The following BTNL9 variants were observed in gnomAD, a reference collection of about 807,000 sequenced individuals.
BTNL9 encodes the protein butyrophilin like 9.
BTNL9 carries 45 observed loss-of-function variants against 45.8 expected under a neutral mutation model. The ratio of observed to expected loss-of-function variants is 0.98; its 90% CI spans 0.77 to 1.26. BTNL9 has a LOEUF of 1.26. Among genes scored for constraint, BTNL9 ranks in the 50% most tolerant of loss-of-function variants. BTNL9 has a pLI of 0.00. For synonymous variants in BTNL9, 346 were observed against 330.8 expected, an observed-to-expected ratio of 1.05 and a Z score of -0.50; for missense variants, 784 against 729.7, an observed-to-expected ratio of 1.07 and a Z score of -0.86.
Position 181,060,803 on chromosome 5 carries a change from A to T in BTNL9, c.*941A>T, listed in dbSNP as rs1287402533. On this transcript the variant is annotated 3_prime_UTR_variant, in exon 11 of 11. Transcript: ENST00000327705. ...AACATCATCAATGATGGGACCAAGG[A>T]CATTATTAGTTTGACAACTGGGGAA... 1 of 152,178 alleles carries T rather than the reference A, an allele frequency of 6.6e-6. No individual in the cohort carries two copies. Among genetic ancestry groups the T allele is most frequent in the African/African-American group, 2.4e-5 (1 of 41,428 alleles). The allele number at this position is 152,178 out of a possible 1,614,324, so 9.4% of individuals were successfully genotyped here. A position where few individuals can be genotyped will look rare whatever the true frequency, so the allele number is the denominator to read the frequency against.
rs1465373642 is a variant in BTNL9, at chr5:181,050,695, T to G, written c.736+326T>G. Among the ~76,000 whole-genome samples the G allele has an allele frequency of 1.3e-5, 2 of 152,092 alleles. No homozygotes were observed. Among genetic ancestry groups the G allele is most frequent in the Non-Finnish European group, 2.9e-5 (2 of 68,018 alleles). ...TGTCTCTCAAACAGTATGTATTGAG[T>G]TTCCACAACGTGACCCCAGTCCCTA... On this transcript the variant is annotated intron_variant, in intron 4 of 10. Coordinates refer to ENST00000327705, the MANE Select transcript of BTNL9 (RefSeq NM_152547.5). The surrounding 1 kb of genome is among the most constrained non-coding windows in gnomAD (Gnocchi z 4.9).
At position 181,051,011 on chromosome 5, in the gene BTNL9, G is replaced by A. The variant is rs187893586; in HGVS notation, c.736+642G>A. 1.6e-3 allele frequency among the ~76,000 whole-genome samples: 220 copies of A among 135,818 alleles called. No individual in the cohort carries two copies. In the East Asian group the frequency reaches 0.04, roughly 25 times the overall value. 89.1% of individuals were successfully genotyped at this position (135,818 alleles called of 152,430 possible). On this transcript the variant is annotated intron_variant, in intron 4 of 10. Coordinates refer to ENST00000327705, the MANE Select transcript of BTNL9 (RefSeq NM_152547.5). ...CTGAGGCAGGAGAATCGCTTGAACC[G>A]GGGGGCAGAGGTTGCAGTGAGCCGA... is the stretch of plus-strand genomic sequence containing the variant.
Position 181,053,092 on chromosome 5 carries a change from C to G in BTNL9, c.737-108C>G. 2 of 962,668 alleles carry G rather than the reference C, an allele frequency of 2.1e-6. No homozygotes were observed. The highest frequency in any genetic ancestry group is 3.0e-6 in the Non-Finnish European group (2 of 677,734). 59.6% of individuals were successfully genotyped at this position (962,668 alleles called of 1,614,324 possible). Reference sequence around the variant, plus strand: ...TTTCCCAGGCGGCTGCGGTGGCGCCCGGAGAAGGTCCCGCGGGAGGTTTCC... The same window carrying G: ...TTTCCCAGGCGGCTGCGGTGGCGCCGGGAGAAGGTCCCGCGGGAGGTTTCC... On this transcript the variant is annotated intron_variant, in intron 4 of 10. Transcript: ENST00000327705. The surrounding 1 kb of genome is among the most constrained non-coding windows in gnomAD (Gnocchi z 6.5).
chr5:181,051,588 G>A (rs901465271), intron 4 of BTNL9, among the ~76,000 whole-genome samples: 1 of 152,148 alleles, frequency 6.6e-6, no homozygotes, highest in Non-Finnish European at 1.5e-5. Context: ...ACAACTTGGA[G>A]CCACGCAGCT....
At chr5:181,047,437 C>T in intron 2 of BTNL9, 1 of 959,836 alleles carries the variant, frequency 1.0e-6, no homozygotes, top group Non-Finnish European at 1.2e-6. Flanking sequence ...CTTGGAAAAT[C>T]AGACAAGCAA....
rs755306047 is a variant in BTNL9, at chr5:181,045,599, G to A, written c.109+1G>A. ...CTTCAGCCTGGGGAGCCGAGCTCAG[G>A]TATTGTGTCTGCAGCCTAGCTGGCC... On this transcript the variant is annotated splice_donor_variant, in intron 2 of 10. Coordinates refer to ENST00000327705, the MANE Select transcript of BTNL9 (RefSeq NM_152547.5). LOFTEE classifies it high-confidence loss of function. 43 of 1,607,806 alleles carry A rather than the reference G, an allele frequency of 2.7e-5. No individual in the cohort carries two copies. The highest frequency in any genetic ancestry group is 3.3e-5 in the Non-Finnish European group (39 of 1,175,488).
rs987892921 is a variant in BTNL9, at chr5:181,049,941, C to T, written c.455-147C>T. ...TAGACTGTCATTTCCCGTCCATGGGCGGGGAGCGCCAAGCCCACACACGTC... is the reference window on the plus strand; with the variant it reads ...TAGACTGTCATTTCCCGTCCATGGGTGGGGAGCGCCAAGCCCACACACGTC... On this transcript the variant is annotated intron_variant, in intron 3 of 10. Transcript: ENST00000327705. The T allele has an allele frequency of 4.0e-5, 40 of 994,064 alleles. No homozygotes were observed. The Admixed American group carries it at 5.5e-4, about 14-fold the overall frequency. The allele number at this position is 994,064 out of a possible 1,614,324, so 61.6% of individuals were successfully genotyped here. A position where few individuals can be genotyped will look rare whatever the true frequency, so the allele number is the denominator to read the frequency against.
At position 181,059,651 on chromosome 5, in the gene BTNL9, C is replaced by T. The variant is rs774144406; in HGVS notation, c.1397C>T (p.Ser466Phe). ...EAGELSFFNV[S>F]DGSHIFTFHD... Reference sequence around the variant, plus strand: ...GGAGAGCTGTCCTTCTTCAACGTGTCCGACGGCTCCCACATCTTCACCTTC... The same window carrying T: ...GGAGAGCTGTCCTTCTTCAACGTGTTCGACGGCTCCCACATCTTCACCTTC... The change falls in exon 11 of 11, where the codon TCC becomes TTC. Residue 466 changes from serine (S) to phenylalanine (F), a missense_variant. Ser to Phe is a radical substitution (Grantham distance 155). Coordinates refer to ENST00000327705, the MANE Select transcript of BTNL9 (RefSeq NM_152547.5). The T allele has an allele frequency of 2.5e-6, 4 of 1,613,674 alleles. No homozygotes were observed. In the South Asian group the frequency reaches 3.3e-5, roughly 13 times the overall value.
At position 181,047,953 on chromosome 5, in the gene BTNL9, C is replaced by T. The variant is rs910598555; in HGVS notation, c.136C>T (p.Pro46Ser). The change falls in exon 3 of 11, where the codon CCC becomes TCC. Residue 46 changes from proline to serine, a missense_variant. Physicochemically the swap from Pro to Ser is moderately conservative, Grantham distance 74. Transcript: ENST00000327705. ...GGTCAAGGTGCTAGGCCCTGAGTAT[C>T]CCATCCTGGCCCTCGTCGGGGAGGA... ...SEVKVLGPEY[P>S]ILALVGEEVE... 2 of 1,613,828 alleles carry T rather than the reference C, an allele frequency of 1.2e-6. No individual in the cohort carries two copies. Among genetic ancestry groups the T allele is most frequent in the South Asian group, 1.1e-5 (1 of 91,058 alleles).
rs1330545336 is a variant in BTNL9 at position 181,053,868 on chromosome 5, A to G, written c.886+367A>G. 6 of 1,501,210 alleles carry G rather than the reference A, an allele frequency of 4.0e-6. No homozygotes were observed. Among genetic ancestry groups the G allele is most frequent in the Admixed American group, 4.0e-5 (2 of 49,854 alleles). The allele number at this position is 1,501,210 out of a possible 1,614,324, so 93.0% of individuals were successfully genotyped here. On this transcript the variant is annotated intron_variant, in intron 6 of 10. Coordinates refer to ENST00000327705, the MANE Select transcript of BTNL9 (RefSeq NM_152547.5). The surrounding 1 kb of genome is among the most constrained non-coding windows in gnomAD (Gnocchi z 6.5). ...GCACAGGGAGTCGGGCGGATGCGCA[A>G]CATCTCCGCACAGGGTCAGGAAGCG... is the stretch of plus-strand genomic sequence containing the variant.
intron 2 of BTNL9, among the ~76,000 whole-genome samples, chr5:181,046,416 C>T (rs976767092): frequency 1.3e-5 from 2 of 152,206 alleles, no homozygotes; most frequent in African/African-American, 4.8e-5. Flanking sequence ...CCAGGAAACT[C>T]ACTGGCCTGT....
At position 181,059,736 on chromosome 5, in the gene BTNL9, C is replaced by A; in HGVS notation, c.1482C>A (p.Gly494=). 1 of 1,613,028 alleles carries A rather than the reference C, an allele frequency of 6.2e-7. No individual in the cohort carries two copies. The highest frequency in any genetic ancestry group is 1.1e-5 in the South Asian group (1 of 91,068). The part of the protein sequence containing the change: ...AYFRPRAHDG[G]EHPDPLTICP... ...TCAGGCCCAGGGCCCACGACGGCGG[C>A]GAACATCCGGATCCCCTGACCATCT... Residue 494 remains glycine (G), a synonymous_variant, in exon 11 of 11, where the codon GGC becomes GGA. Transcript: ENST00000327705.
chr5:181,045,659 C>G, intron 2 of BTNL9, 61 bp downstream of exon 2: 3 of 1,316,668 alleles, frequency 2.3e-6, no homozygotes, highest in Non-Finnish European at 3.3e-6. Flanking sequence ...CCAGGTGCTC[C>G]CCAGGGCTAC....
intron 2 of BTNL9, among the ~76,000 whole-genome samples, chr5:181,046,909 G>A (rs924422245): frequency 5.3e-5 from 8 of 152,178 alleles, no homozygotes; most frequent in South Asian, 2.1e-4. Context: ...GTCAGACATC[G>A]GTGTGTGGAG....
intron 4 of BTNL9, among the ~76,000 whole-genome samples, chr5:181,052,347 A>G (rs1332596195): frequency 6.6e-6 from 1 of 152,174 alleles, no homozygotes; most frequent in Non-Finnish European, 1.5e-5. Flanking sequence ...CTGTTTAATA[A>G]GTACAGAGTT....
intron 1 of BTNL9, among the ~76,000 whole-genome samples, chr5:181,044,264 A>C (rs1008775761): frequency 1.3e-5 from 2 of 152,022 alleles, no homozygotes; most frequent in Admixed American, 6.5e-5. Flanking sequence ...ACACCTGCTG[A>C]TGGTGTTGCT....
At chr5:181,046,727 G>A (rs1417644582) in intron 2 of BTNL9, among the ~76,000 whole-genome samples, 3 of 152,110 alleles carry the variant, frequency 2.0e-5, no homozygotes, top group African/African-American at 4.8e-5. Context: ...GAGAGAGAGA[G>A]AATTGTGTCC....
intron 9 of BTNL9, 85 bp from the exon 10 acceptor site, chr5:181,058,267 C>T (rs796697987): frequency 6.7e-7 from 1 of 1,493,396 alleles, no homozygotes; most frequent in Non-Finnish European, 9.3e-7. Flanking sequence ...GCATGCATCC[C>T]TCATACATCT....
chr5:181,053,117 C>A lies in BTNL9; in HGVS notation c.737-83C>A. The A allele has an allele frequency of 8.0e-7, 1 of 1,243,276 alleles. No individual in the cohort carries two copies. The highest frequency in any genetic ancestry group is 1.4e-5 in the South Asian group (1 of 72,726). 77.0% of individuals were successfully genotyped at this position (1,243,276 alleles called of 1,614,324 possible). On this transcript the variant is annotated intron_variant, in intron 4 of 10. Coordinates refer to ENST00000327705, the MANE Select transcript of BTNL9 (RefSeq NM_152547.5). This position sits in a 1 kb window ranked among gnomAD's most constrained non-coding sequence, Gnocchi z 6.5. ...CGGAGAAGGTCCCGCGGGAGGTTTC[C>A]CGGCACGCGGCGGGCAGGCCGGTCT...
Sources: allele counts gnomAD v4.1 joint callset (sites outside exome capture counted in the v4.1 genomes callset), GRCh38; gene constraint gnomAD v4.1.1; non-coding constraint Gnocchi (gnomAD v3.1); transcripts MANE v1.5; gene names NCBI Gene and HGNC (gene_info 2026-07-23, HGNC 2026-07-21).